Variants in ARVCF observed in about 807,000 individuals in gnomAD.
The protein encoded by ARVCF is splicing regulator ARVCF.
In ARVCF, 66 loss-of-function variants were observed where a neutral mutation model predicts 90.9. That is an observed-to-expected ratio of 0.73 (90% CI 0.60 to 0.89). ARVCF has a LOEUF of 0.89. Ranked by LOEUF, ARVCF falls within the 40% of genes least tolerant of loss-of-function variation. The pLI, the probability that ARVCF is intolerant of heterozygous loss-of-function variation, is 0.00. For missense variants in ARVCF, 1,469 were observed against 1,382.3 expected (o/e 1.06, Z -1.00); for synonymous variants, 653 against 603.4 (o/e 1.08, Z -1.21).
intron 3 of ARVCF, chr22:19,986,754 C>T (rs1304164277): frequency 3.1e-6 from 1 of 325,002 alleles, no homozygotes; most frequent in East Asian, 5.3e-5. Context: ...GTCCTGGGCG[C>T]TGGCCAAGAA....
downstream of ARVCF, chr22:19,965,783 A>G (rs1217861141): frequency 1.5e-5 from 2 of 134,784 alleles, no homozygotes; most frequent in African/African-American, 2.8e-5. Context: ...CTGGCCGTGG[A>G]GAGGGAGGAC....
At chr22:19,984,903 A>G (rs183016837) in intron 3 of ARVCF, among the ~76,000 whole-genome samples, 1 of 152,290 alleles carries the variant, frequency 6.6e-6, no homozygotes, top group Admixed American at 6.5e-5. Context: ...GAGTAGTGAG[A>G]GGCCCATAGC....
Position 19,982,066 on chromosome 22 carries a change from G to A in ARVCF, c.236C>T (p.Ser79Leu). 1 of 1,612,372 alleles carries A rather than the reference G, an allele frequency of 6.2e-7. No individual in the cohort carries two copies. The highest frequency in any genetic ancestry group is 8.5e-7 in the Non-Finnish European group (1 of 1,179,956). The change falls in exon 4 of 20, where the codon TCA becomes TTA. Residue 79 changes from serine to leucine, a missense_variant. Ser to Leu is a moderately radical substitution (Grantham distance 145). Transcript: ENST00000263207. ...AGGTGCCTCCGGCATCGTGGCCAGTGAGGCCTGGCTGCCTGGGCTCTGCTC... is the reference window on the plus strand; with the variant it reads ...AGGTGCCTCCGGCATCGTGGCCAGTAAGGCCTGGCTGCCTGGGCTCTGCTC... ...LQEQSPGSQA[S>L]LATMPEAPDV...
intron 1 of ARVCF, among the ~76,000 whole-genome samples, chr22:20,015,280 G>C (rs1482855042): frequency 6.6e-6 from 1 of 152,186 alleles, no homozygotes; most frequent in African/African-American, 2.4e-5. Context: ...ATGGGGGTAG[G>C]GTGGGGACAG....
chr22:19,967,299 A>C, downstream of ARVCF: 1 of 1,057,546 alleles, frequency 9.5e-7, no homozygotes, highest in Non-Finnish European at 1.3e-6. Flanking sequence ...CCTGGCCCAG[A>C]CTGGAAGGCA....
At chr22:19,980,921 AAGGG>A (rs1422687783) in intron 5 of ARVCF, 1 of 403,772 alleles carries the variant, frequency 2.5e-6, no homozygotes, top group African/African-American at 2.0e-5. Flanking sequence ...GGGCTGTGAC[AAGGG>A]CCAGGGCTCT....
In ARVCF at chr22:19,973,042, G is replaced by C. The variant is rs1312522788; in HGVS notation, c.2439-6C>G. Reference sequence around the variant, plus strand: ...TCGCTTCGCGTACCGATTGGCTGTGGGGCCGGGGGCGGGGTCAGTGGTGGC... The same window carrying C: ...TCGCTTCGCGTACCGATTGGCTGTGCGGCCGGGGGCGGGGTCAGTGGTGGC... On this transcript the variant is annotated splice_polypyrimidine_tract_variant and splice_region_variant and intron_variant, in intron 14 of 19. Coordinates refer to ENST00000263207, the MANE Select transcript of ARVCF (RefSeq NM_001670.3). 6.2e-7 allele frequency: 1 copy of C among 1,612,496 alleles called. No individual in the cohort carries two copies. Among genetic ancestry groups the C allele is most frequent in the Non-Finnish European group, 8.5e-7 (1 of 1,179,852 alleles).
chr22:19,986,052 C>T (rs567956747), intron 3 of ARVCF, among the ~76,000 whole-genome samples: 129 of 152,374 alleles, frequency 8.5e-4, no homozygotes, highest in African/African-American at 3.0e-3. Flanking sequence ...TACTTCTCCA[C>T]ACAGCAGTGC....
Position 19,977,594 on chromosome 22 carries a change from G to A in ARVCF, c.1699-8C>T, listed in dbSNP as rs1485883173. ...CACGCAGTTCTCCACCGACTGCAGGGAGAGGTGAGTGGGTGGGGCAGGGCA... is the reference window on the plus strand; with the variant it reads ...CACGCAGTTCTCCACCGACTGCAGGAAGAGGTGAGTGGGTGGGGCAGGGCA... On this transcript the variant is annotated splice_region_variant and splice_polypyrimidine_tract_variant and intron_variant, in intron 8 of 19. Coordinates refer to ENST00000263207, the MANE Select transcript of ARVCF (RefSeq NM_001670.3). 3.3e-6 allele frequency: 5 copies of A among 1,515,524 alleles called. No homozygotes were observed. Among genetic ancestry groups the A allele is most frequent in the Non-Finnish European group, 4.4e-6 (5 of 1,130,728 alleles). 93.9% of individuals were successfully genotyped at this position (1,515,524 alleles called of 1,614,324 possible). A position where few individuals can be genotyped will look rare whatever the true frequency, so the allele number is the denominator to read the frequency against.
At chr22:19,974,028 CAGCCGAGGCAGGA>C in intron 12 of ARVCF, 71 bp downstream of exon 12, 1 of 1,533,686 alleles carries the variant, frequency 6.5e-7, no homozygotes, top group Non-Finnish European at 8.7e-7. Flanking sequence ...CTTTCCCCGC[CAGCCGAGGCAGGA>C]GCTGCACCAG....
At chr22:20,002,184 GT>G (rs1471443968) in intron 2 of ARVCF, among the ~76,000 whole-genome samples, 1 of 152,236 alleles carries the variant, frequency 6.6e-6, no homozygotes, top group Non-Finnish European at 1.5e-5. Flanking sequence ...AGCCCAGGAA[GT>G]CACGGATGTG....
At chr22:19,965,668 CAACAAA>C (rs2146179435), downstream of ARVCF, 1 of 151,986 alleles carries the variant, frequency 6.6e-6, no homozygotes, top group African/African-American at 2.4e-5. Flanking sequence ...CAACAAAAAA[CAACAAA>C]AACTTTTCTG....
intron 3 of ARVCF, among the ~76,000 whole-genome samples, chr22:19,984,137 ACT>A (rs1943643454): frequency 6.6e-6 from 1 of 152,222 alleles, no homozygotes; most frequent in South Asian, 2.1e-4. Context: ...GTTACCCAGG[ACT>A]CTGCCAGTGG....
rs560866166 is a variant in ARVCF at position 19,987,816 on chromosome 22, T to C, written c.210+2769A>G. Among the ~76,000 whole-genome samples the C allele has an allele frequency of 3.9e-4, 59 of 152,162 alleles. No homozygotes were observed. In the East Asian group the frequency reaches 0.011, roughly 30 times the overall value. On this transcript the variant is annotated intron_variant, in intron 3 of 19. Coordinates refer to ENST00000263207, the MANE Select transcript of ARVCF (RefSeq NM_001670.3). ...CCCTGCAGGGGACCCCCACTTTGTA[T>C]CTTGGGTTCTCCCCATCGAGGCACA...
rs778610124 is a variant in ARVCF at position 19,990,771 on chromosome 22, C to A, written c.24G>T (p.Ser8=). The A allele has an allele frequency of 6.3e-7, 1 of 1,576,604 alleles. No homozygotes were observed. The highest frequency in any genetic ancestry group is 8.6e-7 in the Non-Finnish European group (1 of 1,160,406). ...TCACCGAGGCCAGGATGCTGGCGGCCGAGTGCACATTGCAGTCCTCCATGA... is the reference window on the plus strand; with the variant it reads ...TCACCGAGGCCAGGATGCTGGCGGCAGAGTGCACATTGCAGTCCTCCATGA... The part of the protein sequence containing the change: MEDCNVH[S]AASILASVKE... Residue 8 remains serine (S), a synonymous_variant, in exon 3 of 20, where the codon TCG becomes TCT. Coordinates refer to ENST00000263207, the MANE Select transcript of ARVCF (RefSeq NM_001670.3).
Position 19,981,569 on chromosome 22 carries a change from G to A in ARVCF, c.538C>T (p.Arg180Ter), listed in dbSNP as rs779011702. ...CCACCCCCACTGCTGAGGTAGGCTCGAGAGAGTGTGGCCACTGGGCCACCA... is the reference window on the plus strand; with the variant it reads ...CCACCCCCACTGCTGAGGTAGGCTCAAGAGAGTGTGGCCACTGGGCCACCA... ...RGGGPVATLS[R>*]AYLSSGGGFP... is the part of the protein sequence containing the mutation. Residue 180 changes from arginine (R) to a stop codon, truncating the protein, a stop_gained, in exon 5 of 20, where the codon CGA becomes TGA. Coordinates refer to ENST00000263207, the MANE Select transcript of ARVCF (RefSeq NM_001670.3). LOFTEE classifies it high-confidence loss of function. 2.5e-6 allele frequency: 4 copies of A among 1,604,262 alleles called. No homozygotes were observed. The highest frequency in any genetic ancestry group is 3.4e-6 in the Non-Finnish European group (4 of 1,178,118).
At chr22:20,012,654 C>G (rs1050124013) in intron 1 of ARVCF, among the ~76,000 whole-genome samples, 1 of 152,236 alleles carries the variant, frequency 6.6e-6, no homozygotes, top group Non-Finnish European at 1.5e-5. Flanking sequence ...GCCATGGGAC[C>G]CCCACACTGG....
At chr22:19,986,082 C>T (rs1365630788) in intron 3 of ARVCF, among the ~76,000 whole-genome samples, 1 of 152,232 alleles carries the variant, frequency 6.6e-6, no homozygotes, top group Non-Finnish European at 1.5e-5. Flanking sequence ...GGCGTGGCCC[C>T]AGGCAGAGAT....
intron 9 of ARVCF, 131 bp from the exon 10 acceptor site, chr22:19,976,854 C>T (rs1943186337): frequency 1.8e-6 from 2 of 1,090,466 alleles, no homozygotes; most frequent in Admixed American, 4.3e-5. Flanking sequence ...GCATGTGGAA[C>T]CTCATCCCAT....
Sources: gnomAD v4.1 joint callset for allele counts (sites outside exome capture counted in the v4.1 genomes callset) on GRCh38, gnomAD v4.1.1 for gene constraint, MANE v1.5 for transcripts, NCBI Gene and HGNC (gene_info 2026-07-23, HGNC 2026-07-21) for gene names.